TRAP1: variants seen among roughly 807,000 people sequenced by gnomAD.
The protein encoded by TRAP1 is heat shock protein 75 kDa, mitochondrial.
A neutral mutation model predicts 89.1 loss-of-function variants in TRAP1; 102 were observed. That is an observed-to-expected ratio of 1.15 (90% CI 0.98 to 1.35). TRAP1 has a LOEUF of 1.35. TRAP1 is among the 40% of genes most tolerant of loss of function. TRAP1 has a pLI of 0.00. For synonymous variants in TRAP1, 508 were observed against 388.0 expected (o/e 1.31, Z -3.64); for missense variants, 1,256 against 945.3 (o/e 1.33, Z -4.31).
rs765292244 is a variant in TRAP1, at chr16:3,664,391, TGA to T, written c.1450_1451del (p.Ser484ArgfsTer31). 3 of 1,612,600 alleles carry T rather than the reference TGA, an allele frequency of 1.9e-6. No homozygotes were observed. The South Asian group carries it at 3.3e-5, about 18-fold the overall frequency. ...ALPSGQLTSL[S>X]EYASRMRAGT... ...CGGCCCGCATGCGGCTGGCGTATTC[TGA>T]GAGGCTGGTTAGCTGCCCGGAGGGC... On this transcript the variant is annotated frameshift_variant, in exon 13 of 18. Coordinates refer to ENST00000246957, the MANE Select transcript of TRAP1 (RefSeq NM_016292.3). LOFTEE classifies it high-confidence loss of function.
chr16:3,699,788 C>A (rs1442663779), intron 1 of TRAP1, among the ~76,000 whole-genome samples: 3 of 151,914 alleles, frequency 2.0e-5, no homozygotes, highest in Non-Finnish European at 2.9e-5. Context: ...CTGCTTTACT[C>A]TCCTGAACAG....
intron 16 of TRAP1, chr16:3,661,691 G>A (rs764469877): frequency 2.3e-5 from 8 of 343,884 alleles, no homozygotes; most frequent in Non-Finnish European, 3.7e-5. Flanking sequence ...CTCAAAACAG[G>A]CAAAACTGAG....
chr16:3,682,740 G>A (rs1229218475), intron 4 of TRAP1, among the ~76,000 whole-genome samples: 2 of 151,906 alleles, frequency 1.3e-5, no homozygotes, highest in East Asian at 1.9e-4. Flanking sequence ...GCATGTGCCT[G>A]TGGCCCTAGC....
chr16:3,666,437 G>A (rs1200729677), intron 11 of TRAP1, among the ~76,000 whole-genome samples: 1 of 151,996 alleles, frequency 6.6e-6, no homozygotes, highest in East Asian at 1.9e-4. Context: ...TGCACCTTAG[G>A]AAACATGTGA....
At chr16:3,687,942 C>T (rs1004157448) in intron 3 of TRAP1, among the ~76,000 whole-genome samples, 4 of 150,772 alleles carry the variant, frequency 2.7e-5, no homozygotes, top group Non-Finnish European at 4.4e-5. Context: ...GAAGAGGAAG[C>T]GGTGGCTGAT....
intron 4 of TRAP1, among the ~76,000 whole-genome samples, chr16:3,684,377 A>T (rs998628272): frequency 3.3e-5 from 5 of 152,208 alleles, no homozygotes; most frequent in Non-Finnish European, 7.3e-5. Flanking sequence ...AATAACAAAA[A>T]GCAATGTAGC....
intron 1 of TRAP1, among the ~76,000 whole-genome samples, chr16:3,694,101 T>G (rs1327653741): frequency 3.3e-5 from 5 of 151,938 alleles, no homozygotes; most frequent in Non-Finnish European, 2.9e-5. Flanking sequence ...CTTCTGGCAG[T>G]AGCCGGCATC....
At chr16:3,688,527 GGTCAGT>G in intron 3 of TRAP1, among the ~76,000 whole-genome samples, 1 of 152,102 alleles carries the variant, frequency 6.6e-6, no homozygotes, top group East Asian at 1.9e-4. Context: ...CTGTTGTGCA[GGTCAGT>G]GTAGTAACAC....
intron 11 of TRAP1, among the ~76,000 whole-genome samples, chr16:3,666,495 A>G (rs1424746832): frequency 6.6e-6 from 1 of 152,208 alleles, no homozygotes; most frequent in Admixed American, 6.5e-5. Context: ...CACATAAAAT[A>G]TAACAATTAT....
In TRAP1 at chr16:3,697,280, T is replaced by C. The variant is rs184032847; in HGVS notation, c.89-6295A>G. Reference sequence around the variant, plus strand: ...ATTTTTAAATATTTCCTATTTCCTTTTTTGTTAAGGGACTGTTGGTATCCT... The same window carrying C: ...ATTTTTAAATATTTCCTATTTCCTTCTTTGTTAAGGGACTGTTGGTATCCT... On this transcript the variant is annotated intron_variant, in intron 1 of 17. Coordinates refer to ENST00000246957, the MANE Select transcript of TRAP1 (RefSeq NM_016292.3). 1.6e-3 allele frequency among the ~76,000 whole-genome samples: 237 copies of C among 152,326 alleles called. 1 individual carries two copies. Among genetic ancestry groups the C allele is most frequent in the African/African-American group, 5.4e-3 (224 of 41,578 alleles).
chr16:3,664,005 GTGAGCCGAGATCGCACCAC>G (rs1423958782), intron 13 of TRAP1: 6 of 391,352 alleles, frequency 1.5e-5, no homozygotes, highest in African/African-American at 2.1e-5. Flanking sequence ...GGAAGTTGCA[GTGAGCCGAGATCGCACCAC>G]TGCACTCTAG....
chr16:3,691,199 G>A, intron 1 of TRAP1: 1 of 382,610 alleles, frequency 2.6e-6, no homozygotes, highest in Non-Finnish European at 4.6e-6. Context: ...AAGATACTGT[G>A]TCTTCTCAGA....
chr16:3,668,755 C>T (rs2050871381), intron 11 of TRAP1, among the ~76,000 whole-genome samples: 1 of 152,224 alleles, frequency 6.6e-6, no homozygotes, highest in East Asian at 1.9e-4. Context: ...AGCTCCCTTA[C>T]TGAGCAGGAC....
At chr16:3,701,559 A>AC (rs1555467028) in intron 1 of TRAP1, among the ~76,000 whole-genome samples, 233 of 151,284 alleles carry the variant, frequency 1.5e-3, no homozygotes, top group African/African-American at 5.4e-3. Flanking sequence ...CCAAAAAAAA[A>AC]AAAAAAAAAT....
intron 1 of TRAP1, among the ~76,000 whole-genome samples, chr16:3,714,569 G>T (rs1013786685): frequency 1.3e-5 from 2 of 152,200 alleles, no homozygotes; most frequent in African/African-American, 4.8e-5. Context: ...GAAGTCAGGA[G>T]AATCACTCGA....
At chr16:3,685,499 T>C (rs2051127275) in intron 4 of TRAP1, among the ~76,000 whole-genome samples, 1 of 151,958 alleles carries the variant, frequency 6.6e-6, no homozygotes, top group South Asian at 2.1e-4. Flanking sequence ...AATGACGCCG[T>C]GACCCTGGGA....
chr16:3,669,832 C>CAAAAAAA (rs59256364), intron 11 of TRAP1, among the ~76,000 whole-genome samples: 38 of 66,162 alleles, frequency 5.7e-4, no homozygotes, highest in Non-Finnish European at 9.0e-4. Flanking sequence ...GACTCCGTCT[C>CAAAAAAA]AAAAAAAAAA....
intron 1 of TRAP1, among the ~76,000 whole-genome samples, chr16:3,715,315 A>G (rs765234706): frequency 1.3e-4 from 19 of 151,978 alleles, no homozygotes; most frequent in Non-Finnish European, 1.3e-4. Context: ...GTGGGCGCCT[A>G]AAGTCCCAGC....
At chr16:3,712,637 T>C (rs143356061) in intron 1 of TRAP1, among the ~76,000 whole-genome samples, 1 of 152,306 alleles carries the variant, frequency 6.6e-6, no homozygotes, top group Non-Finnish European at 1.5e-5. Flanking sequence ...AGACAGAGTC[T>C]TGCACTGTCG....
Sources: gnomAD v4.1 joint callset for allele counts (sites outside exome capture counted in the v4.1 genomes callset) on GRCh38, gnomAD v4.1.1 for gene constraint, MANE v1.5 for transcripts, NCBI Gene and HGNC (gene_info 2026-07-23, HGNC 2026-07-21) for gene names.